B3GALT1: variants seen among roughly 807,000 people sequenced by gnomAD.
B3GALT1 encodes beta-1,3-galactosyltransferase 1, also known as UDP-Gal:betaGlcNAc beta 1,3-galactosyltransferase, polypeptide 1.
A neutral mutation model predicts 23.2 loss-of-function variants in B3GALT1; 10 were observed. That is an observed-to-expected ratio of 0.43 (90% CI 0.27 to 0.73). The LOEUF (loss-of-function observed/expected upper bound fraction) is 0.73. Among genes scored for constraint, B3GALT1 ranks in the 30% least tolerant of loss-of-function variants. The pLI is 0.21. For synonymous variants in B3GALT1, 156 were observed against 141.5 expected, an observed-to-expected ratio of 1.10 and a Z score of -0.73; for missense variants, 299 against 405.4, an observed-to-expected ratio of 0.74 and a Z score of 2.25.
At chr2:167,583,480 T>C (rs1684525090) in intron 2 of B3GALT1, among the ~76,000 whole-genome samples, 1 of 152,208 alleles carries the variant, frequency 6.6e-6, no homozygotes, top group Non-Finnish European at 1.5e-5. Flanking sequence ...GGGGAATGTC[T>C]TTTACAAGGT....
chr2:167,474,034 A>C (rs1197987145), intron 1 of B3GALT1, among the ~76,000 whole-genome samples: 1 of 152,174 alleles, frequency 6.6e-6, no homozygotes, highest in Non-Finnish European at 1.5e-5. Flanking sequence ...AAATACATGA[A>C]ATAGCATGGG....
intron 1 of B3GALT1, among the ~76,000 whole-genome samples, chr2:167,314,020 C>G (rs1696673014): frequency 6.6e-6 from 1 of 152,076 alleles, no homozygotes; most frequent in South Asian, 2.1e-4. Context: ...TTATGAGCAT[C>G]ACTGGATGGG....
chr2:167,519,514 C>T (rs1306735714), intron 2 of B3GALT1, among the ~76,000 whole-genome samples: 1 of 152,030 alleles, frequency 6.6e-6, no homozygotes. Context: ...ATGTTTTCTG[C>T]ATATTAGCCA....
chr2:167,862,916 G>T (rs763960158), intron 4 of B3GALT1: 3 of 152,136 alleles, frequency 2.0e-5, no homozygotes, highest in East Asian at 1.9e-4. Context: ...ATACAGTAAG[G>T]CCCCTGGGGA....
chr2:167,838,480 G>T (rs1689545450), intron 4 of B3GALT1, among the ~76,000 whole-genome samples: 1 of 152,296 alleles, frequency 6.6e-6, no homozygotes, highest in Non-Finnish European at 1.5e-5. Context: ...AAACCAGGAA[G>T]AAGTTGAATC....
chr2:167,696,296 C>CAAAAAAAAAAAAAAAAA (rs35575073), intron 3 of B3GALT1, among the ~76,000 whole-genome samples: 1 of 91,838 alleles, frequency 1.1e-5, no homozygotes, highest in Non-Finnish European at 2.0e-5. Context: ...TGGTAAGAGG[C>CAAAAAAAAAAAAAAAAA]AAAAAAAAAA....
intron 1 of B3GALT1, among the ~76,000 whole-genome samples, chr2:167,369,589 A>C (rs1697647496): frequency 6.6e-6 from 1 of 152,162 alleles, no homozygotes; most frequent in Non-Finnish European, 1.5e-5. Context: ...AAAAATATAT[A>C]CCTTACAAAG....
At chr2:167,616,849 A>G (rs1394604013) in intron 2 of B3GALT1, among the ~76,000 whole-genome samples, 1 of 152,150 alleles carries the variant, frequency 6.6e-6, no homozygotes, top group African/African-American at 2.4e-5. Context: ...AGAAAAAATT[A>G]CAGCTACATT....
At chr2:167,347,896 A>G (rs532651708) in intron 1 of B3GALT1, among the ~76,000 whole-genome samples, 2 of 152,302 alleles carry the variant, frequency 1.3e-5, no homozygotes, top group South Asian at 4.1e-4. Flanking sequence ...ATCTTCAGAA[A>G]TCAGCATCAA....
chr2:167,823,284 T>TAACA (rs1357428388), intron 4 of B3GALT1, among the ~76,000 whole-genome samples: 2 of 152,184 alleles, frequency 1.3e-5, no homozygotes, highest in Admixed American at 6.5e-5. Context: ...GGTGTGGACC[T>TAACA]AACAGAGAGT....
At chr2:167,509,166 C>T (rs372473330) in intron 2 of B3GALT1, among the ~76,000 whole-genome samples, 155 of 152,016 alleles carry the variant, frequency 1.0e-3, no homozygotes, top group African/African-American at 3.5e-3. Flanking sequence ...TCTTACTAAG[C>T]AATAGTAGAA....
At chr2:167,664,602 T>A (rs1475294185) in intron 3 of B3GALT1, among the ~76,000 whole-genome samples, 15 of 152,218 alleles carry the variant, frequency 9.9e-5, no homozygotes, top group Non-Finnish European at 2.2e-4. Flanking sequence ...GAGCATGGAA[T>A]GTTCTTCCAT....
chr2:167,446,435 C>G (rs907686896), intron 1 of B3GALT1, among the ~76,000 whole-genome samples: 31 of 152,202 alleles, frequency 2.0e-4, no homozygotes, highest in Middle Eastern at 3.2e-3. Flanking sequence ...GGGAAGTTCT[C>G]CTGGATAATA....
intron 4 of B3GALT1, among the ~76,000 whole-genome samples, chr2:167,823,334 T>A (rs1315879498): frequency 6.6e-6 from 1 of 152,112 alleles, no homozygotes; most frequent in Non-Finnish European, 1.5e-5. Flanking sequence ...TGTGTGCTTT[T>A]AGAAGCCCCA....
chr2:167,660,674 G>C (rs905568735), intron 3 of B3GALT1, among the ~76,000 whole-genome samples: 2 of 152,078 alleles, frequency 1.3e-5, no homozygotes, highest in East Asian at 3.9e-4. Context: ...ACTGTCACTA[G>C]AAGGTGTTAG....
chr2:167,820,010 G>C (rs1014863835), intron 4 of B3GALT1, among the ~76,000 whole-genome samples: 1 of 152,206 alleles, frequency 6.6e-6, no homozygotes, highest in African/African-American at 2.4e-5. Context: ...TCAGCACACA[G>C]CCTAAACGGG....
At chr2:167,582,747 CA>C (rs1684511199) in intron 2 of B3GALT1, among the ~76,000 whole-genome samples, 1 of 152,160 alleles carries the variant, frequency 6.6e-6, no homozygotes, top group South Asian at 2.1e-4. Flanking sequence ...AGGATTCATC[CA>C]AGCCCATCCC....
intron 2 of B3GALT1, among the ~76,000 whole-genome samples, chr2:167,565,298 A>G (rs1331816802): frequency 6.6e-6 from 1 of 152,240 alleles, no homozygotes; most frequent in Non-Finnish European, 1.5e-5. Flanking sequence ...ACAACTGGCT[A>G]GCCATATGTA....
chr2:167,378,797 TG>T (rs1196180525), intron 1 of B3GALT1, among the ~76,000 whole-genome samples: 1 of 152,172 alleles, frequency 6.6e-6, no homozygotes, highest in Non-Finnish European at 1.5e-5. Context: ...ATCCATGCAT[TG>T]AGTTCTTTAT....
Sources: allele counts gnomAD v4.1 joint callset (sites outside exome capture counted in the v4.1 genomes callset), GRCh38; gene constraint gnomAD v4.1.1; transcripts MANE v1.5; gene names NCBI Gene and HGNC (gene_info 2026-07-23, HGNC 2026-07-21).